SYNE1: variants seen among roughly 807,000 people sequenced by gnomAD.
SYNE1 encodes spectrin repeat containing nuclear envelope protein 1.
A neutral mutation model predicts 1,111.0 loss-of-function variants in SYNE1; 616 were observed. The observed-to-expected ratio is 0.55, with a 90% CI of 0.52 to 0.59. The LOEUF is 0.59. SYNE1 is among the 20% of genes least tolerant of loss of function. SYNE1 has a pLI of 0.00. For synonymous variants in SYNE1, 3,855 were observed against 3,825.8 expected, an observed-to-expected ratio of 1.01 and a Z score of -0.28; for missense variants, 10,006 against 10,417.0, an observed-to-expected ratio of 0.96 and a Z score of 1.72.
chr6:152,428,163 C>T, intron 37 of SYNE1, 42 bp downstream of exon 37: 1 of 1,608,850 alleles, frequency 6.2e-7, no homozygotes, highest in Non-Finnish European at 8.5e-7. Flanking sequence ...TCCAGAATTT[C>T]CTATTTAGTA....
intron 11 of SYNE1, among the ~76,000 whole-genome samples, chr6:152,491,742 C>T (rs1219610057): frequency 1.3e-5 from 2 of 152,124 alleles, no homozygotes; most frequent in Non-Finnish European, 1.5e-5. Context: ...TGCGACTCAT[C>T]ACAAATCTTC....
At chr6:152,469,396 C>T (rs2098791971) in intron 16 of SYNE1, among the ~76,000 whole-genome samples, 1 of 151,978 alleles carries the variant, frequency 6.6e-6, no homozygotes, top group Non-Finnish European at 1.5e-5. Flanking sequence ...AAGTTATTCA[C>T]AGACACATGG....
intron 93 of SYNE1, among the ~76,000 whole-genome samples, chr6:152,295,633 TAC>T (rs1562861293): frequency 6.6e-6 from 1 of 150,648 alleles, no homozygotes; most frequent in Admixed American, 6.6e-5. Flanking sequence ...CACACACACA[TAC>T]ACACACAAAC....
intron 37 of SYNE1, among the ~76,000 whole-genome samples, 170 bp from the exon 38 acceptor site, chr6:152,427,986 C>A (rs527257122): frequency 6.6e-6 from 1 of 152,234 alleles, no homozygotes; most frequent in East Asian, 1.9e-4. Context: ...ATTTGTGTCC[C>A]TGCACTCACA....
Position 152,180,202 on chromosome 6 carries a change from T to G in SYNE1, c.23394A>C (p.Gln7798His), listed in dbSNP as rs1714871483. 6.2e-7 allele frequency: 1 copy of G among 1,614,022 alleles called. No homozygotes were observed. Among genetic ancestry groups the G allele is most frequent in the Admixed American group, 1.7e-5 (1 of 60,008 alleles). Residue 7798 changes from glutamine to histidine, a missense_variant, in exon 129 of 146, where the codon CAA becomes CAC. Around this residue, in one of 7 missense-constraint regions of SYNE1, gnomAD observed 2,182 missense variants for 2,287.8 expected, o/e 0.95. Coordinates refer to ENST00000367255, the MANE Select transcript of SYNE1 (RefSeq NM_182961.4). ...CATTCTGAGAAACTTTGCTTTCCAT[T>G]TGAGTCAACCACTCACAGAGTTCCT... The part of the protein sequence containing the change: ...KNKELCEWLT[Q>H]MESKVSQNGD...
intron 56 of SYNE1, among the ~76,000 whole-genome samples, chr6:152,378,136 T>C (rs1008979130): frequency 1.3e-5 from 2 of 152,158 alleles, no homozygotes; most frequent in African/African-American, 4.8e-5. Context: ...ACACTAAGTG[T>C]CTAATTCATA....
chr6:152,278,133 G>A lies in SYNE1; in HGVS notation c.18529C>T (p.Leu6177=). Reference sequence around the variant, plus strand: ...TCATGCAGGGCTCTCTGCAGCTCCAGCAGGCTCCCCTTGAGCCTTCTCAGC... The same window carrying A: ...TCATGCAGGGCTCTCTGCAGCTCCAACAGGCTCCCCTTGAGCCTTCTCAGC... ...GKLRRLKGSL[L]ELQRALHDKQ... The change falls in exon 98 of 146, where the codon CTG becomes TTG. Residue 6177 remains leucine, a synonymous_variant. Transcript: ENST00000367255. 1 of 1,614,032 alleles carries A rather than the reference G, an allele frequency of 6.2e-7. No individual in the cohort carries two copies. The highest frequency in any genetic ancestry group is 8.5e-7 in the Non-Finnish European group (1 of 1,180,038).
chr6:152,141,026 C>T (rs2058426332), intron 139 of SYNE1, among the ~76,000 whole-genome samples, 177 bp downstream of exon 139: 1 of 142,664 alleles, frequency 7.0e-6, no homozygotes, highest in Non-Finnish European at 1.5e-5. Flanking sequence ...CAGAGCGCCA[C>T]TCCGCCTCAA....
chr6:152,437,238 A>G (rs1447676020), intron 32 of SYNE1, among the ~76,000 whole-genome samples: 3 of 152,242 alleles, frequency 2.0e-5, no homozygotes, highest in African/African-American at 7.2e-5. Context: ...TAGTGCTGTT[A>G]AATCTTATTT....
chr6:152,489,368 G>A (rs574507645), intron 11 of SYNE1, among the ~76,000 whole-genome samples: 7 of 151,782 alleles, frequency 4.6e-5, no homozygotes, highest in Middle Eastern at 3.4e-3. Flanking sequence ...TGATGTTTCC[G>A]AATGGAAAGA....
At chr6:152,135,058 A>T in intron 142 of SYNE1, 46 bp downstream of exon 142, 1 of 1,613,750 alleles carries the variant, frequency 6.2e-7, no homozygotes, top group South Asian at 1.1e-5. Context: ...ATGAAATGCA[A>T]CCCTGCTAAA....
chr6:152,433,817 T>C lies in SYNE1; in HGVS notation c.4439A>G (p.Asp1480Gly), dbSNP rs1289977041. The change falls in exon 34 of 146, where the codon GAC (aspartate) becomes GGC (glycine). Residue 1480 changes from aspartate (D) to glycine (G), a missense_variant. Asp to Gly is a moderately conservative substitution (Grantham distance 94). Transcript: ENST00000367255. Reference protein sequence around the residue: ...NALETSSSAMDMQISQIKVTI... With the variant: ...NALETSSSAMGMQISQIKVTI... ...CACCTTAATTTGGCTGATTTGCATGTCCATGGCAGATGACGAAGTTTCCAA... is the reference window on the plus strand; with the variant it reads ...CACCTTAATTTGGCTGATTTGCATGCCCATGGCAGATGACGAAGTTTCCAA... 8.7e-6 allele frequency: 14 copies of C among 1,613,866 alleles called. No homozygotes were observed. The East Asian group carries it at 1.8e-4, about 21-fold the overall frequency.
intron 117 of SYNE1, among the ~76,000 whole-genome samples, chr6:152,224,283 TA>T (rs1278334212): frequency 6.6e-6 from 1 of 152,180 alleles, no homozygotes; most frequent in Non-Finnish European, 1.5e-5. Context: ...GGAAACCATT[TA>T]GTTATATACC....
intron 21 of SYNE1, among the ~76,000 whole-genome samples, chr6:152,459,440 C>T (rs2098718343): frequency 6.6e-6 from 1 of 152,156 alleles, no homozygotes; most frequent in Non-Finnish European, 1.5e-5. Context: ...TGCTTTCCTG[C>T]CTCCCACCAG....
intron 3 of SYNE1, among the ~76,000 whole-genome samples, chr6:152,566,984 A>ACT (rs1436187397): frequency 6.3e-5 from 7 of 110,918 alleles, no homozygotes; most frequent in African/African-American, 2.1e-4. Context: ...CTCTTCACAT[A>ACT]CTGTGTGTGT....
At chr6:152,543,982 A>G (rs1158081548) in intron 3 of SYNE1, among the ~76,000 whole-genome samples, 4 of 152,240 alleles carry the variant, frequency 2.6e-5, no homozygotes, top group African/African-American at 9.6e-5. Flanking sequence ...CAAATTTCTC[A>G]GAATATAACT....
At chr6:152,225,531 C>T (rs1349115342) in intron 116 of SYNE1, among the ~76,000 whole-genome samples, 190 bp downstream of exon 116, 1 of 150,904 alleles carries the variant, frequency 6.6e-6, no homozygotes, top group African/African-American at 2.4e-5. Flanking sequence ...AAAATAAAGG[C>T]TTATTCTAGA....
At chr6:152,243,748 T>C (rs1341968724) in intron 106 of SYNE1, among the ~76,000 whole-genome samples, 1 of 152,244 alleles carries the variant, frequency 6.6e-6, no homozygotes, top group Non-Finnish European at 1.5e-5. Context: ...GGACTGAGGT[T>C]ACCAGTTCTC....
intron 140 of SYNE1, among the ~76,000 whole-genome samples, chr6:152,137,267 C>T (rs921898673): frequency 2.6e-5 from 4 of 152,128 alleles, no homozygotes; most frequent in East Asian, 1.9e-4. Flanking sequence ...GCAACAATAA[C>T]GCTAGGCAAT....
Sources: gnomAD v4.1 joint callset for allele counts (sites outside exome capture counted in the v4.1 genomes callset) on GRCh38, gnomAD v4.1.1 for gene constraint, gnomAD v4.1.1 regional missense constraint, MANE v1.5 for transcripts, NCBI Gene and HGNC (gene_info 2026-07-23, HGNC 2026-07-21) for gene names.